The following TUBB8B variants were observed in gnomAD, a reference collection of about 807,000 sequenced individuals.
TUBB8B encodes the protein tubulin beta 8B.
Under a neutral mutation model 31.9 loss-of-function variants are expected in TUBB8B, and 26 were observed. The observed-to-expected ratio is 0.81, with a 90% CI of 0.60 to 1.13. TUBB8B has a LOEUF of 1.13. TUBB8B is among the 50% of genes most tolerant of loss of function. The pLI is 0.00. For missense variants in TUBB8B, 467 were observed against 586.7 expected (o/e 0.80, Z 2.11); for synonymous variants, 173 against 231.0 (o/e 0.75, Z 2.28).
upstream of TUBB8B, among the ~76,000 whole-genome samples, chr18:52,667 G>A (rs999402613): frequency 5.3e-5 from 8 of 151,900 alleles, no homozygotes; most frequent in African/African-American, 1.9e-4. Context: ...TCCCTTCATG[G>A]CATTGCTGAA....
chr18:49,628 C>A (rs1337826117), upstream of TUBB8B: 19 of 741,266 alleles, frequency 2.6e-5, no homozygotes, highest in East Asian at 4.9e-4. Context: ...CCCAGCCCGC[C>A]CTCCGCTAAC....
At chr18:57,989 T>G in the TUBB8B span, among the ~76,000 whole-genome samples, 1 of 151,912 alleles carries the variant, frequency 6.6e-6, no homozygotes, top group Non-Finnish European at 1.5e-5. Context: ...GTGGCCAGGA[T>G]GCAGGGAGCC....
At chr18:56,898 C>T in the TUBB8B span, among the ~76,000 whole-genome samples, 6 of 151,986 alleles carry the variant, frequency 3.9e-5, no homozygotes, top group South Asian at 8.3e-4. Flanking sequence ...GGTGCTTGCA[C>T]ATCACATGGT....
At chr18:57,680 G>C in the TUBB8B span, among the ~76,000 whole-genome samples, 1 of 151,974 alleles carries the variant, frequency 6.6e-6, no homozygotes, top group East Asian at 1.9e-4. Context: ...GATCTACTAG[G>C]CCATGCCCCA....
the TUBB8B span, among the ~76,000 whole-genome samples, chr18:65,301 C>CA: frequency 6.6e-6 from 1 of 150,576 alleles, no homozygotes; most frequent in African/African-American, 2.4e-5. Flanking sequence ...GACTCTGTCT[C>CA]AAAAAAATTT....
At chr18:59,468 T>A in the TUBB8B span, among the ~76,000 whole-genome samples, 1 of 151,712 alleles carries the variant, frequency 6.6e-6, no homozygotes, top group African/African-American at 2.4e-5. Context: ...TCAAAGGGTT[T>A]ATTATTAAAG....
chr18:58,811 T>C, the TUBB8B span, among the ~76,000 whole-genome samples: 7 of 151,730 alleles, frequency 4.6e-5, 1 homozygote, highest in Middle Eastern at 3.2e-3. Flanking sequence ...GACTGGGTAA[T>C]TTATTTTTTA....
At chr18:68,113 A>G in the TUBB8B span, among the ~76,000 whole-genome samples, 4 of 152,140 alleles carry the variant, frequency 2.6e-5, no homozygotes, top group South Asian at 2.1e-4. Flanking sequence ...TTTGGCCTCT[A>G]TAGTGAAGTT....
chr18:51,122 T>C (rs1906086026), upstream of TUBB8B, among the ~76,000 whole-genome samples: 1 of 151,814 alleles, frequency 6.6e-6, no homozygotes, highest in Admixed American at 6.6e-5. Context: ...GCTTGTGCCT[T>C]GATTATCTTG....
the TUBB8B span, among the ~76,000 whole-genome samples, chr18:63,423 T>G: frequency 1.3e-5 from 2 of 151,684 alleles, no homozygotes; most frequent in African/African-American, 4.8e-5. Context: ...TTCTCTTCCC[T>G]TTCTTTCTCT....
chr18:48,395 C>A lies in TUBB8B; in HGVS notation c.330G>T (p.Ala110=), dbSNP rs773463391. The A allele has an allele frequency of 6.2e-7, 1 of 1,612,928 alleles. No individual in the cohort carries two copies. The highest frequency in any genetic ancestry group is 1.1e-5 in the South Asian group (1 of 91,046). The change falls in exon 4 of 4, where the codon GCG becomes GCT. Residue 110 remains alanine (A), a synonymous_variant. Coordinates refer to ENST00000308911, the MANE Select transcript of TUBB8B (RefSeq NM_001358689.2). The part of the protein sequence containing the change: ...NWAKGRYTEG[A]ELTESVMDVV... ...CGTCCATCACTGACTCCGTCAGCTCCGCGCCTTCTGTGTAGCGTCCCTTGG... is the reference window on the plus strand; with the variant it reads ...CGTCCATCACTGACTCCGTCAGCTCAGCGCCTTCTGTGTAGCGTCCCTTGG...
the TUBB8B span, among the ~76,000 whole-genome samples, chr18:59,753 A>G: frequency 6.6e-6 from 1 of 151,620 alleles, no homozygotes; most frequent in Non-Finnish European, 1.5e-5. Context: ...CATGTTGGCC[A>G]GGCTGGTTTT....
the TUBB8B span, among the ~76,000 whole-genome samples, chr18:59,404 G>A: frequency 3.3e-5 from 5 of 151,652 alleles, no homozygotes; most frequent in South Asian, 1.0e-3. Flanking sequence ...CTAGCTGGGG[G>A]TCTGTCATAT....
At chr18:49,309 C>G (rs1471416675) in intron 1 of TUBB8B, 72 bp from the exon 2 acceptor site, 1 of 1,353,438 alleles carries the variant, frequency 7.4e-7, no homozygotes, top group African/African-American at 1.5e-5. Context: ...CTCCCACCCC[C>G]ACCCGCACCC....
upstream of TUBB8B, among the ~76,000 whole-genome samples, chr18:53,979 T>C (rs572436111): frequency 2.9e-4 from 44 of 151,770 alleles, no homozygotes; most frequent in East Asian, 8.3e-3. Flanking sequence ...TGTGGTGTTA[T>C]TCAGTGGAAA....
At chr18:50,012 T>C, upstream of TUBB8B, 1 of 422,572 alleles carries the variant, frequency 2.4e-6, no homozygotes, top group Non-Finnish European at 4.7e-6. Flanking sequence ...CTTCCATATG[T>C]TAACTCAACA....
Position 47,282 on chromosome 18 carries a change from A to C in TUBB8B, c.*108T>G. 1.7e-6 allele frequency: 1 copy of C among 580,368 alleles called. No homozygotes were observed. Among genetic ancestry groups the C allele is most frequent in the African/African-American group, 2.2e-5 (1 of 44,598 alleles). 36.0% of individuals were successfully genotyped at this position (580,368 alleles called of 1,614,324 possible). ...ATACTATAAAAATGCTTTAAAACGC[A>C]GCAGGAGATGTGAAGACACAAATTA... On this transcript the variant is annotated 3_prime_UTR_variant, in exon 4 of 4. Coordinates refer to ENST00000308911, the MANE Select transcript of TUBB8B (RefSeq NM_001358689.2).
At chr18:58,745 C>T in the TUBB8B span, among the ~76,000 whole-genome samples, 6 of 151,806 alleles carry the variant, frequency 4.0e-5, no homozygotes, top group African/African-American at 1.5e-4. Flanking sequence ...CAATTTTCCA[C>T]TCCTTTGTGC....
the TUBB8B span, among the ~76,000 whole-genome samples, chr18:66,811 G>A: frequency 0.073 from 11,151 of 152,026 alleles, 616 homozygotes; most frequent in East Asian, 0.31. Context: ...CCAAAAGGAC[G>A]TGGGGATTGT....
Sources: gnomAD v4.1 joint callset for allele counts (sites outside exome capture counted in the v4.1 genomes callset) on GRCh38, gnomAD v4.1.1 for gene constraint, MANE v1.5 for transcripts, NCBI Gene and HGNC (gene_info 2026-07-23, HGNC 2026-07-21) for gene names.